TRAF3IP1: variants seen among roughly 807,000 people sequenced by gnomAD.
The protein encoded by TRAF3IP1 is TRAF3-interacting protein 1.
In TRAF3IP1, 53 loss-of-function variants were observed where a neutral mutation model predicts 89.9. The observed-to-expected ratio is 0.59, with a 90% CI of 0.47 to 0.74. The LOEUF is 0.74. Among genes scored for constraint, TRAF3IP1 ranks in the 30% least tolerant of loss-of-function variants. TRAF3IP1 has a pLI of 0.00. For synonymous variants in TRAF3IP1, 311 were observed against 322.1 expected (o/e 0.97, Z 0.37); for missense variants, 806 against 866.1 (o/e 0.93, Z 0.87).
chr2:238,330,113 G>A (rs1698047450), intron 5 of TRAF3IP1, among the ~76,000 whole-genome samples: 1 of 152,172 alleles, frequency 6.6e-6, no homozygotes, highest in Non-Finnish European at 1.5e-5. Flanking sequence ...CTTTGGAGCA[G>A]CCTCCACCTT....
rs76489715 is a variant in TRAF3IP1, at chr2:238,323,437, A to G, written c.124-1869A>G. On this transcript the variant is annotated intron_variant, in intron 1 of 16. Coordinates refer to ENST00000373327, the MANE Select transcript of TRAF3IP1 (RefSeq NM_015650.4). The stretch of plus-strand genomic sequence containing the variant: ...GAAAACCTCAACAGGGACAAAATGA[A>G]AATGTTCCAGGAATGTTAAATGCAG... 1.0e-3 allele frequency among the ~76,000 whole-genome samples: 154 copies of G among 152,322 alleles called. 2 individuals are homozygous for G. The highest frequency in any genetic ancestry group is 3.5e-3 in the African/African-American group (145 of 41,574).
At position 238,341,446 on chromosome 2, in the gene TRAF3IP1, A is replaced by G. The variant is rs73090917; in HGVS notation, c.1159+2989A>G. ...CATTTTCCTACATAGCCAGAAAAGT[A>G]TTGTCTAACTGAACTCAGTTATTGC... On this transcript the variant is annotated intron_variant, in intron 8 of 16. Coordinates refer to ENST00000373327, the MANE Select transcript of TRAF3IP1 (RefSeq NM_015650.4). 5.2e-3 allele frequency among the ~76,000 whole-genome samples: 786 copies of G among 152,072 alleles called. 9 individuals are homozygous for G. Among genetic ancestry groups the G allele is most frequent in the African/African-American group, 0.018 (756 of 41,462 alleles).
At chr2:238,335,861 G>A (rs577244300) in intron 7 of TRAF3IP1, among the ~76,000 whole-genome samples, 7 of 151,208 alleles carry the variant, frequency 4.6e-5, no homozygotes, top group Admixed American at 2.0e-4. Flanking sequence ...GTGCAGTGGC[G>A]CAATCATGGC....
At chr2:238,353,803 T>G (rs1329807027) in intron 14 of TRAF3IP1, among the ~76,000 whole-genome samples, 1 of 152,142 alleles carries the variant, frequency 6.6e-6, no homozygotes, top group Non-Finnish European at 1.5e-5. Context: ...AGGCGGAGTC[T>G]TGCCCTGTCA....
In TRAF3IP1 at chr2:238,328,632, G is replaced by A. The variant is rs546350159; in HGVS notation, c.355-54G>A. Reference sequence around the variant, plus strand: ...TGAATGGCGATGTTCTATTTGTTACGTGTGCGGATCTCATTTCACCTAACA... The same window carrying A: ...TGAATGGCGATGTTCTATTTGTTACATGTGCGGATCTCATTTCACCTAACA... On this transcript the variant is annotated intron_variant, in intron 3 of 16. Transcript: ENST00000373327. The A allele has an allele frequency of 2.0e-4, 312 of 1,572,738 alleles. No homozygotes were observed. The African/African-American group carries it at 3.4e-3, about 17-fold the overall frequency.
In TRAF3IP1 at chr2:238,356,089, A is replaced by G. The variant is rs766538578; in HGVS notation, c.1689+9A>G. On this transcript the variant is annotated intron_variant, in intron 15 of 16. Transcript: ENST00000373327. ...CCAAACCTGGGGAGAAGGTAATGGA[A>G]TGATTTCCATAAACACTGGCATTTT... 4 of 1,606,644 alleles carry G rather than the reference A, an allele frequency of 2.5e-6. No homozygotes were observed. The highest frequency in any genetic ancestry group is 1.3e-5 in the African/African-American group (1 of 74,852).
Position 238,351,840 on chromosome 2 carries a change from T to A in TRAF3IP1, c.1452-987T>A, listed in dbSNP as rs868093420. Among the ~76,000 whole-genome samples the A allele has an allele frequency of 1.8e-4, 10 of 55,714 alleles. No homozygotes were observed. The highest frequency in any genetic ancestry group is 2.7e-4 in the Non-Finnish European group (7 of 25,646). 36.6% of individuals were successfully genotyped at this position (55,714 alleles called of 152,430 possible). A position where few individuals can be genotyped will look rare whatever the true frequency, so the allele number is the denominator to read the frequency against. ...TGAAGCAAGGGAGGATTTTGGTGTG[T>A]GTGTGTGTGTGTGTGTGTGTGTGTG... On this transcript the variant is annotated intron_variant, in intron 12 of 16. Coordinates refer to ENST00000373327, the MANE Select transcript of TRAF3IP1 (RefSeq NM_015650.4). This position sits in a 1 kb window ranked among gnomAD's most constrained non-coding sequence, Gnocchi z 5.2.
rs1009121203 is a variant in TRAF3IP1 at position 238,325,888 on chromosome 2, A to G, written c.272A>G (p.Lys91Arg). The change falls in exon 3 of 17, where the codon AAA becomes AGA. Residue 91 changes from lysine (K) to arginine (R), a missense_variant. Coordinates refer to ENST00000373327, the MANE Select transcript of TRAF3IP1 (RefSeq NM_015650.4). Reference sequence around the variant, plus strand: ...GTGTCGGGAGAGCCACTGTTGGCCAAACCAGCCCGAATCGTGGCGGGGCAT... The same window carrying G: ...GTGTCGGGAGAGCCACTGTTGGCCAGACCAGCCCGAATCGTGGCGGGGCAT... ...VMVSGEPLLA[K>R]PARIVAGHEP... 1 of 1,614,146 alleles carries G rather than the reference A, an allele frequency of 6.2e-7. No homozygotes were observed. Among genetic ancestry groups the G allele is most frequent in the Non-Finnish European group, 8.5e-7 (1 of 1,180,050 alleles).
Position 238,352,837 on chromosome 2 carries a change from G to A in TRAF3IP1, c.1462G>A (p.Gly488Ser), listed in dbSNP as rs1395795971. The A allele has an allele frequency of 2.5e-6, 4 of 1,608,352 alleles. No homozygotes were observed. In the South Asian group the frequency reaches 3.4e-5, roughly 14 times the overall value. ...EALQMDRSGS[G>S]KTVSNVITES... ...TTTCTTTTTATTTAGGTCAGGGAGTGGTAAAACCGTTTCAAATGTGATTAC... is the reference window on the plus strand; with the variant it reads ...TTTCTTTTTATTTAGGTCAGGGAGTAGTAAAACCGTTTCAAATGTGATTAC... Residue 488 changes from glycine (G) to serine (S), a missense_variant, in exon 13 of 17, where the codon GGT becomes AGT. Coordinates refer to ENST00000373327, the MANE Select transcript of TRAF3IP1 (RefSeq NM_015650.4).
intron 15 of TRAF3IP1, among the ~76,000 whole-genome samples, chr2:238,371,159 T>C (rs1700095608): frequency 1.3e-5 from 2 of 152,228 alleles, no homozygotes; most frequent in Non-Finnish European, 2.9e-5. Context: ...CTTTGTACTT[T>C]TCGTAAAGAG....
chr2:238,388,470 A>T (rs1050119569), intron 15 of TRAF3IP1, among the ~76,000 whole-genome samples: 2 of 151,358 alleles, frequency 1.3e-5, no homozygotes, highest in African/African-American at 4.9e-5. Context: ...CATATGGTTT[A>T]TGAAGAAGTT....
rs1698847283 is a variant in TRAF3IP1 at position 238,345,443 on chromosome 2, G to A, written c.1261+845G>A. Among the ~76,000 whole-genome samples the A allele has an allele frequency of 1.3e-5, 2 of 152,254 alleles. No homozygotes were observed. Reference sequence around the variant, plus strand: ...TATAAACCAAGATCCCGGCTGGGATGCGACTGCAGCAGGGCTGGCTCAGCC... The same window carrying A: ...TATAAACCAAGATCCCGGCTGGGATACGACTGCAGCAGGGCTGGCTCAGCC... On this transcript the variant is annotated intron_variant, in intron 9 of 16. Transcript: ENST00000373327. The surrounding 1 kb of genome is among the most constrained non-coding windows in gnomAD (Gnocchi z 4.7).
Position 238,325,838 on chromosome 2 carries a change from A to G in TRAF3IP1, c.222A>G (p.Gln74=), listed in dbSNP as rs779941640. ...KDKDAKISFL[Q]KAIDVVVMVS... ...AAGATGCAAAAATTAGCTTCCTACA[A>G]AAGGCCATAGACGTGGTTGTAATGG... is the stretch of plus-strand genomic sequence containing the variant. The change falls in exon 3 of 17, where the codon CAA becomes CAG. Residue 74 remains glutamine (Q), a synonymous_variant. Coordinates refer to ENST00000373327, the MANE Select transcript of TRAF3IP1 (RefSeq NM_015650.4). The G allele has an allele frequency of 6.2e-7, 1 of 1,612,422 alleles. No homozygotes were observed. The highest frequency in any genetic ancestry group is 1.7e-5 in the Admixed American group (1 of 59,510).
At chr2:238,376,754 A>G (rs1469432097) in intron 15 of TRAF3IP1, among the ~76,000 whole-genome samples, 1 of 152,224 alleles carries the variant, frequency 6.6e-6, no homozygotes, top group Admixed American at 6.5e-5. Flanking sequence ...TTGCTGGTAG[A>G]TAGTAATGCT....
intron 5 of TRAF3IP1, among the ~76,000 whole-genome samples, chr2:238,330,557 C>A (rs1440586895): frequency 6.6e-6 from 1 of 152,166 alleles, no homozygotes; most frequent in Admixed American, 6.5e-5. Context: ...AGGGGCAGGG[C>A]CTGAGCTGGT....
At chr2:238,334,472 C>T (rs768562891) in intron 7 of TRAF3IP1, among the ~76,000 whole-genome samples, 8 of 152,188 alleles carry the variant, frequency 5.3e-5, no homozygotes, top group East Asian at 1.9e-4. Flanking sequence ...TGCTAAAAGC[C>T]GAATGTACAG....
chr2:238,377,415 C>A (rs1050207753), intron 15 of TRAF3IP1, among the ~76,000 whole-genome samples: 10 of 151,614 alleles, frequency 6.6e-5, no homozygotes, highest in South Asian at 2.1e-4. Flanking sequence ...GTTCCCCCCC[C>A]ACTGTGGGGC....
At chr2:238,384,380 G>GTA (rs58730491) in intron 15 of TRAF3IP1, among the ~76,000 whole-genome samples, 10,785 of 143,024 alleles carry the variant, frequency 0.075, 483 homozygotes, top group Non-Finnish European at 0.095. Context: ...ATGTATGTAT[G>GTA]TATATATATA....
chr2:238,393,413 T>C (rs1701075902), intron 15 of TRAF3IP1, among the ~76,000 whole-genome samples: 1 of 152,250 alleles, frequency 6.6e-6, no homozygotes, highest in African/African-American at 2.4e-5. Flanking sequence ...AAGAGTTCTT[T>C]GCATATTCTA....
Sources: gnomAD v4.1 joint callset for allele counts (sites outside exome capture counted in the v4.1 genomes callset) on GRCh38, gnomAD v4.1.1 for gene constraint, Gnocchi (gnomAD v3.1) non-coding constraint, MANE v1.5 for transcripts, NCBI Gene and HGNC (gene_info 2026-07-23, HGNC 2026-07-21) for gene names.